Variants in TEX15 observed in about 807,000 individuals in gnomAD.
The protein encoded by TEX15 is testis expressed 15, meiosis and synapsis associated, also known as testis-expressed protein 15.
Under a neutral mutation model 237.3 loss-of-function variants are expected in TEX15, and 171 were observed. The observed-to-expected ratio is 0.72, with a 90% CI of 0.64 to 0.82. TEX15 has a LOEUF of 0.82. Among genes scored for constraint, TEX15 ranks in the 40% least tolerant of loss-of-function variants. The pLI is 0.00. For synonymous variants in TEX15, 1,338 were observed against 1,269.8 expected (o/e 1.05, Z -1.14); for missense variants, 3,750 against 3,646.5 (o/e 1.03, Z -0.73).
Position 30,842,270 on chromosome 8 carries a change from T to C in TEX15, c.7897A>G (p.Thr2633Ala). ...ATTTGGCATAGGAAAAAGGAAATGG[T>C]TAGTTCAGCATTTTTAGTACATATC... ...KMICTKNAEL[T>A]ISFFLCQMLY... The change falls in exon 8 of 11, where the codon ACC (threonine) becomes GCC (alanine). Residue 2633 changes from threonine (T) to alanine (A), a missense_variant. Coordinates refer to ENST00000643185, the MANE Select transcript of TEX15 (RefSeq NM_001350162.2). 1.2e-6 allele frequency: 2 copies of C among 1,613,794 alleles called. No homozygotes were observed. The highest frequency in any genetic ancestry group is 1.7e-6 in the Non-Finnish European group (2 of 1,179,836).
intron 4 of TEX15, among the ~76,000 whole-genome samples, chr8:30,868,936 G>A (rs1353908972): frequency 6.7e-6 from 1 of 149,402 alleles, no homozygotes; most frequent in Non-Finnish European, 1.5e-5. Context: ...TCAGTGGAAT[G>A]AAACAAATAT....
intron 2 of TEX15, among the ~76,000 whole-genome samples, chr8:30,889,777 G>C (rs1283049471): frequency 6.6e-6 from 1 of 150,624 alleles, no homozygotes; most frequent in Non-Finnish European, 1.5e-5. Flanking sequence ...TTTTTGTTTG[G>C]GTTTTTTTGG....
chr8:30,841,683 G>C (rs1472963183), intron 8 of TEX15, among the ~76,000 whole-genome samples: 1 of 151,980 alleles, frequency 6.6e-6, no homozygotes, highest in Non-Finnish European at 1.5e-5. Context: ...AATAAATATT[G>C]GTCTCTCACT....
In TEX15 at chr8:30,846,894, G is replaced by A; in HGVS notation, c.3273C>T (p.Thr1091=). ...HENMLCEEFV[T]SYKALKSRIS... ...TACGAGACTTCAGAGCCTTATATGA[G>A]GTCACAAATTCTTCACAAAGCATGT... The change falls in exon 8 of 11, where the codon ACC becomes ACT. Residue 1091 remains threonine (T), a synonymous_variant. Coordinates refer to ENST00000643185, the MANE Select transcript of TEX15 (RefSeq NM_001350162.2). 6.2e-7 allele frequency: 1 copy of A among 1,613,754 alleles called. No individual in the cohort carries two copies. Among genetic ancestry groups the A allele is most frequent in the Non-Finnish European group, 8.5e-7 (1 of 1,179,786 alleles).
intron 7 of TEX15, among the ~76,000 whole-genome samples, chr8:30,856,072 C>A (rs323353): frequency 0.36 from 54,090 of 151,722 alleles, 14,776 homozygotes; most frequent in African/African-American, 0.76. Flanking sequence ...CAGCCTCCCA[C>A]GTAGCTGGGA....
chr8:30,911,987 A>G (rs948976163), intron 1 of TEX15, among the ~76,000 whole-genome samples: 1 of 152,128 alleles, frequency 6.6e-6, no homozygotes, highest in African/African-American at 2.4e-5. Context: ...ACCAGGGCGA[A>G]GCAGCCCTGC....
At chr8:30,835,631 T>A (rs1302947492) in intron 10 of TEX15, among the ~76,000 whole-genome samples, 2 of 152,208 alleles carry the variant, frequency 1.3e-5, no homozygotes, top group Non-Finnish European at 2.9e-5. Flanking sequence ...TTATTTTTAT[T>A]TAAAGTACAT....
At position 30,843,894 on chromosome 8, in the gene TEX15, C is replaced by T. The variant is rs533310455; in HGVS notation, c.6273G>A (p.Arg2091=). 12 of 1,612,798 alleles carry T rather than the reference C, an allele frequency of 7.4e-6. No homozygotes were observed. The highest frequency in any genetic ancestry group is 2.2e-5 in the South Asian group (2 of 90,886). The part of the protein sequence containing the change: ...ETIQFIENKK[R]HLEGEPTLRS... Reference sequence around the variant, plus strand: ...GCAATGTTGGTTCACCTTCTAAGTGCCTTTTTTTGTTTTCAATGAATTGAA... The same window carrying T: ...GCAATGTTGGTTCACCTTCTAAGTGTCTTTTTTTGTTTTCAATGAATTGAA... The change falls in exon 8 of 11, where the codon AGG becomes AGA. Residue 2091 remains arginine, a synonymous_variant. Coordinates refer to ENST00000643185, the MANE Select transcript of TEX15 (RefSeq NM_001350162.2).
chr8:30,864,339 C>A (rs936297147), intron 5 of TEX15, among the ~76,000 whole-genome samples: 1 of 148,828 alleles, frequency 6.7e-6, no homozygotes, highest in African/African-American at 2.5e-5. Context: ...CACCATCAAG[C>A]GTAAGAACAT....
At chr8:30,903,835 C>T (rs1424540931) in intron 1 of TEX15, among the ~76,000 whole-genome samples, 1 of 152,148 alleles carries the variant, frequency 6.6e-6, no homozygotes, top group African/African-American at 2.4e-5. Flanking sequence ...TGCCAAGGTC[C>T]TTGAAATCAG....
Position 30,874,937 on chromosome 8 carries a change from C to T in TEX15, c.302G>A (p.Arg101Lys), listed in dbSNP as rs1358613389. Residue 101 changes from arginine to lysine, a missense_variant and splice_region_variant, in exon 4 of 11, where the codon AGG (arginine) becomes AAG (lysine). Transcript: ENST00000643185. Reference protein sequence around the residue: ...EELEKNFTAKRSEMRESGRHC... With the variant: ...EELEKNFTAKKSEMRESGRHC... ...ACACGTTTAGATCATAGTAACTTAC[C>T]TCTTAGCAGTAAAATTTTTTTCCAG... The T allele has an allele frequency of 5.3e-6, 7 of 1,323,612 alleles. No individual in the cohort carries two copies. The highest frequency in any genetic ancestry group is 6.8e-6 in the Non-Finnish European group (7 of 1,034,798). 82.0% of individuals were successfully genotyped at this position (1,323,612 alleles called of 1,614,324 possible).
At chr8:30,912,340 C>T (rs1289428343) in intron 1 of TEX15, among the ~76,000 whole-genome samples, 2 of 7,824 alleles carry the variant, frequency 2.6e-4, no homozygotes, top group African/African-American at 8.8e-4. Context: ...GGGCTCCCGC[C>T]CCCTCCCCGC....
At chr8:30,911,856 G>A (rs2128780907) in intron 1 of TEX15, among the ~76,000 whole-genome samples, 1 of 152,222 alleles carries the variant, frequency 6.6e-6, no homozygotes, top group East Asian at 1.9e-4. Flanking sequence ...ATCTGTGCAG[G>A]GCTGGGCTTG....
At chr8:30,896,299 T>C (rs1808904465) in intron 2 of TEX15, among the ~76,000 whole-genome samples, 1 of 152,214 alleles carries the variant, frequency 6.6e-6, no homozygotes. Flanking sequence ...TATCACGCTT[T>C]TAATTTTATT....
At chr8:30,878,304 G>C in intron 3 of TEX15, among the ~76,000 whole-genome samples, 1 of 152,050 alleles carries the variant, frequency 6.6e-6, no homozygotes, top group Non-Finnish European at 1.5e-5. Context: ...ATAGGTTTTT[G>C]TGTGAACATC....
rs961122515 is a variant in TEX15, at chr8:30,859,923, G to A, written c.675C>T (p.Ala225=). The change falls in exon 6 of 11, where the codon GCC becomes GCT. Residue 225 remains alanine, a synonymous_variant. Coordinates refer to ENST00000643185, the MANE Select transcript of TEX15 (RefSeq NM_001350162.2). ...PSLKDTIELQ[A]YSSAVYFYEY... is the part of the protein sequence containing the mutation. The stretch of plus-strand genomic sequence containing the variant: ...ACCATTAACATACTGCTGAACTGTA[G>A]GCTTGCAGTTCAATGGTATCTTTCA... 1.3e-6 allele frequency: 2 copies of A among 1,491,766 alleles called. No homozygotes were observed. Among genetic ancestry groups the A allele is most frequent in the Admixed American group, 2.4e-5 (1 of 41,020 alleles). 92.4% of individuals were successfully genotyped at this position (1,491,766 alleles called of 1,614,324 possible).
intron 10 of TEX15, among the ~76,000 whole-genome samples, chr8:30,833,790 C>T (rs895505322): frequency 1.3e-5 from 2 of 152,084 alleles, no homozygotes; most frequent in Non-Finnish European, 2.9e-5. Context: ...ATTGCAATTG[C>T]CTCCTTAATT....
chr8:30,881,610 C>CTTTTTT lies in TEX15; in HGVS notation c.136+5556_136+5557insAAAAAA, dbSNP rs1164594718. Among the ~76,000 whole-genome samples the CTTTTTT allele has an allele frequency of 4.7e-3, 511 of 109,298 alleles. 69 individuals are homozygous for CTTTTTT. Among genetic ancestry groups the CTTTTTT allele is most frequent in the African/African-American group, 7.9e-3 (121 of 15,404 alleles). The allele number at this position is 109,298 out of a possible 152,430, so 71.7% of individuals were successfully genotyped here. A position where few individuals can be genotyped will look rare whatever the true frequency, so the allele number is the denominator to read the frequency against. On this transcript the variant is annotated intron_variant, in intron 3 of 10. Transcript: ENST00000643185. ...TTCATTAATTATCCTTCCATCTTGA[C>CTTTTTT]TTTTTATTTTTTTTTATTATTTTTT...
chr8:30,845,088 T>TCC lies in TEX15; in HGVS notation c.5078_5079insGG (p.Asn1694GlufsTer13). The TCC allele has an allele frequency of 1.2e-6, 2 of 1,613,536 alleles. No homozygotes were observed. Among genetic ancestry groups the TCC allele is most frequent in the Middle Eastern group, 1.7e-4 (1 of 6,060 alleles). On this transcript the variant is annotated frameshift_variant, in exon 8 of 11. Transcript: ENST00000643185. LOFTEE classifies it high-confidence loss of function. ...TAAGGAAGTTTCCTGTAATAATGTT[T>TCC]TGTTTGGGTCTCTCAATAGGATCTG...
Sources: gnomAD v4.1 joint callset for allele counts (sites outside exome capture counted in the v4.1 genomes callset) on GRCh38, gnomAD v4.1.1 for gene constraint, MANE v1.5 for transcripts, NCBI Gene and HGNC (gene_info 2026-07-23, HGNC 2026-07-21) for gene names.